Variants in MID1 observed in about 807,000 individuals in gnomAD.
The protein encoded by MID1 is midline 1.
In MID1, 7 loss-of-function variants were observed where a neutral mutation model predicts 40.4. The observed-to-expected ratio is 0.17, with a 90% confidence interval of 0.10 to 0.33. The LOEUF is 0.33. MID1 is among the 10% of genes least tolerant of loss of function. The pLI, the probability that MID1 is intolerant of heterozygous loss-of-function variation, is 1.00. For synonymous variants in MID1, 229 were observed against 221.2 expected (o/e 1.04, Z -0.31); for missense variants, 367 against 558.5 (o/e 0.66, Z 3.46).
intron 9 of MID1, among the ~76,000 whole-genome samples, chrX:10,454,178 A>C (rs909683052): frequency 2.7e-5 from 3 of 111,850 alleles, no homozygotes; most frequent in African/African-American, 9.8e-5. Context: ...AGTGGGCTAA[A>C]GTCACTGGGC....
chrX:10,735,599 A>C (rs2043482687), intron 1 of MID1, among the ~76,000 whole-genome samples: 1 of 112,529 alleles, frequency 8.9e-6, no homozygotes, highest in African/African-American at 3.2e-5. Context: ...ATCAAGTTGA[A>C]GTTTTGTTTA....
intron 1 of MID1, among the ~76,000 whole-genome samples, chrX:10,655,102 GAT>G (rs1339021161): frequency 2.1e-4 from 24 of 112,058 alleles, no homozygotes; most frequent in African/African-American, 7.5e-4. Context: ...CGGAAGAATG[GAT>G]ATGCAAGACC....
At chrX:10,502,557 C>T (rs139480016) in intron 3 of MID1, among the ~76,000 whole-genome samples, 7,732 of 111,213 alleles carry the variant, frequency 0.07, 562 homozygotes, top group African/African-American at 0.21. Flanking sequence ...CCTCTCTCAC[C>T]CCGGCCCACC....
intron 1 of MID1, among the ~76,000 whole-genome samples, chrX:10,639,170 G>C (rs1936157881): frequency 8.9e-6 from 1 of 112,355 alleles, no homozygotes; most frequent in Non-Finnish European, 1.9e-5. Context: ...ACTTTGACGA[G>C]TTGAGAGAAG....
At chrX:10,764,501 T>A (rs890262903) in intron 1 of MID1, among the ~76,000 whole-genome samples, 3 of 111,923 alleles carry the variant, frequency 2.7e-5, no homozygotes, top group Non-Finnish European at 5.6e-5. Flanking sequence ...TTCAAATATG[T>A]TCCTAATATA....
rs1381264742 is a variant in MID1 at position 10,473,399 on chromosome X, A to G, written c.1141+1224T>C. ...TGGTATGTTTGAAAGAGAGAGTTAC[A>G]TAAGATAAGAAGTTTGTGGAATGCC... On this transcript the variant is annotated intron_variant, in intron 6 of 9. Transcript: ENST00000317552. Among the ~76,000 whole-genome samples, 3 of 112,206 alleles carry G rather than the reference A, an allele frequency of 2.7e-5. 1 individual carries two copies. The East Asian group carries it at 8.4e-4, about 31-fold the overall frequency.
chrX:10,777,764 C>T (rs1054109450), intron 1 of MID1, among the ~76,000 whole-genome samples: 29 of 111,558 alleles, frequency 2.6e-4, no homozygotes, highest in African/African-American at 9.1e-4. Context: ...TGGTGTTGAA[C>T]TCCTGACCTC....
At chrX:10,474,803 C>T (rs753956166) in intron 5 of MID1, 53 bp from the exon 6 acceptor site, 483 of 1,148,459 alleles carry the variant, frequency 4.2e-4, no homozygotes, top group Non-Finnish European at 5.2e-4. Context: ...CTTTCAACAT[C>T]ACTGCATAGA....
intron 1 of MID1, among the ~76,000 whole-genome samples, chrX:10,761,336 T>A: frequency 8.9e-6 from 1 of 112,159 alleles, no homozygotes; most frequent in Non-Finnish European, 1.9e-5. Context: ...TGTTTATGCC[T>A]TTTTAAATTT....
chrX:10,711,785 T>C (rs922550658), intron 1 of MID1, among the ~76,000 whole-genome samples: 2 of 112,338 alleles, frequency 1.8e-5, no homozygotes, highest in Non-Finnish European at 3.8e-5. Context: ...TTCTAATGCT[T>C]TTCTATATTT....
At chrX:10,761,330 T>C (rs914378852) in intron 1 of MID1, among the ~76,000 whole-genome samples, 2 of 112,112 alleles carry the variant, frequency 1.8e-5, no homozygotes, top group Admixed American at 1.9e-4. Flanking sequence ...CTCAAATGTT[T>C]ATGCCTTTTT....
chrX:10,796,087 T>G (rs182714640), intron 1 of MID1, among the ~76,000 whole-genome samples: 1 of 112,282 alleles, frequency 8.9e-6, no homozygotes, highest in Admixed American at 9.5e-5. Context: ...GCCATAAATC[T>G]TCATCAGCCT....
chrX:10,621,923 G>A (rs1405901162), upstream of MID1, among the ~76,000 whole-genome samples: 1 of 103,133 alleles, frequency 9.7e-6, no homozygotes, highest in Admixed American at 1.1e-4. Context: ...ATGTGTAGCA[G>A]CATCCCTGGA....
intron 1 of MID1, among the ~76,000 whole-genome samples, chrX:10,600,870 T>A (rs998255068): frequency 3.6e-5 from 4 of 111,925 alleles, no homozygotes; most frequent in Admixed American, 1.9e-4. Flanking sequence ...CTTTTTTTTT[T>A]AAATGTGGAC....
At chrX:10,454,806 T>C in intron 9 of MID1, 64 bp downstream of exon 9, 1 of 968,503 alleles carries the variant, frequency 1.0e-6, no homozygotes, top group Non-Finnish European at 1.5e-6. Context: ...ATGGGTTGAC[T>C]CTCTAAGTAC....
chrX:10,812,245 T>C, intron 1 of MID1, among the ~76,000 whole-genome samples: 1 of 111,540 alleles, frequency 9.0e-6, no homozygotes, highest in African/African-American at 3.3e-5. Flanking sequence ...ATAAGTCTCA[T>C]TTATCTCTAG....
At chrX:10,520,556 G>A (rs942221369) in intron 3 of MID1, among the ~76,000 whole-genome samples, 5 of 112,170 alleles carry the variant, frequency 4.5e-5, no homozygotes, top group Non-Finnish European at 7.5e-5. Flanking sequence ...CTGCGTAGAC[G>A]ATCAAAGGGA....
rs563831774 is a variant in MID1 at position 10,510,857 on chromosome X, A to G, written c.756+12235T>C. 1.1e-4 allele frequency among the ~76,000 whole-genome samples: 12 copies of G among 108,117 alleles called. 1 individual carries two copies. In the South Asian group the frequency reaches 4.5e-3, roughly 41 times the overall value. The allele number at this position is 108,117 out of a possible 115,157, so 93.9% of individuals were successfully genotyped here. On this transcript the variant is annotated intron_variant, in intron 3 of 9. Transcript: ENST00000317552. ...AAAAAAAAAAAAAAAAAAAAAAAGA[A>G]AATGCTGAAACCTAAGGTTTTTTGA...
At position 10,562,137 on chromosome X, in the gene MID1, G is replaced by A. The variant is rs754630998; in HGVS notation, c.660+4751C>T. On this transcript the variant is annotated intron_variant, in intron 2 of 9. Transcript: ENST00000317552. ...ACACAGAAACAGAAAACCAAACACC[G>A]CATGATCTCTCTCATAAGTGGAAGT... Among the ~76,000 whole-genome samples the A allele has an allele frequency of 2.7e-4, 28 of 105,078 alleles. 3 individuals carry two copies. The highest frequency in any genetic ancestry group is 4.6e-4 in the African/African-American group (12 of 26,003). The allele number at this position is 105,078 out of a possible 115,157, so 91.2% of individuals were successfully genotyped here.
Sources: gnomAD v4.1 joint callset for allele counts (sites outside exome capture counted in the v4.1 genomes callset) on GRCh38, gnomAD v4.1.1 for gene constraint, MANE v1.5 for transcripts, NCBI Gene and HGNC (gene_info 2026-07-23, HGNC 2026-07-21) for gene names.